Variants in MORC2 observed in about 807,000 individuals in gnomAD.
MORC2 encodes the protein MORC family CW-type zinc finger 2, also known as ATPase MORC2.
A neutral mutation model predicts 136.0 loss-of-function variants in MORC2; 30 were observed. That is an observed-to-expected ratio of 0.22 (90% CI 0.17 to 0.30). The LOEUF (loss-of-function observed/expected upper bound fraction) is 0.30. Ranked by LOEUF, MORC2 falls within the 10% of genes least tolerant of loss-of-function variation. MORC2 has a pLI of 1.00. For missense variants in MORC2, 922 were observed against 1,333.1 expected (o/e 0.69, Z 4.80); for synonymous variants, 439 against 487.0 (o/e 0.90, Z 1.30).
At position 30,968,010 on chromosome 22, in the gene MORC2, T is replaced by G. The variant is rs2041155476; in HGVS notation, c.-121A>C. The G allele has an allele frequency of 3.6e-6, 3 of 844,974 alleles. No homozygotes were observed. Among genetic ancestry groups the G allele is most frequent in the Non-Finnish European group, 5.7e-6 (3 of 523,476 alleles). 52.3% of individuals were successfully genotyped at this position (844,974 alleles called of 1,614,324 possible). The stretch of plus-strand genomic sequence containing the variant: ...GTAAGTCTGTGCTCCTTAATGACAG[T>G]TAAAGTAACCTAGTAGCTATCCAAA... On this transcript the variant is annotated 5_prime_UTR_variant, in exon 1 of 26. Coordinates refer to ENST00000397641, the MANE Select transcript of MORC2 (RefSeq NM_001303256.3).
At chr22:30,960,558 C>T (rs578097949) in intron 1 of MORC2, among the ~76,000 whole-genome samples, 18 of 150,654 alleles carry the variant, frequency 1.2e-4, no homozygotes, top group Non-Finnish European at 2.2e-4. Flanking sequence ...GCGCAATCTC[C>T]GCTCACTGCA....
chr22:30,961,559 A>G (rs2041045501), intron 1 of MORC2, among the ~76,000 whole-genome samples: 1 of 152,216 alleles, frequency 6.6e-6, no homozygotes. Context: ...TCATTTCAAC[A>G]TGAGTTTGTA....
chr22:30,956,998 G>C lies in MORC2; in HGVS notation c.123-201C>G, dbSNP rs536209797. Among the ~76,000 whole-genome samples the C allele has an allele frequency of 5.3e-5, 8 of 152,176 alleles. 1 individual carries two copies. In the South Asian group the frequency reaches 1.7e-3, roughly 32 times the overall value. On this transcript the variant is annotated intron_variant, in intron 2 of 25. Transcript: ENST00000397641. ...TATATATCTGTAAAACATTTCTGAA[G>C]CCCCAAATTATTGAAGATGATCACA...
In MORC2 at chr22:30,932,745, C is replaced by T; in HGVS notation, c.2547G>A (p.Val849=). 6.2e-7 allele frequency: 1 copy of T among 1,614,200 alleles called. No individual in the cohort carries two copies. Among genetic ancestry groups the T allele is most frequent in the Admixed American group, 1.7e-5 (1 of 60,026 alleles). The change falls in exon 23 of 26, where the codon GTG becomes GTA. Residue 849 remains valine, a synonymous_variant. Transcript: ENST00000397641. The surrounding 1 kb of genome is among the most constrained non-coding windows in gnomAD (Gnocchi z 4.4). ...DRWVEKGSED[V]RLMKPPSPEH... is the part of the protein sequence containing the mutation. ...CCGGAGAAGGGGGTTTCATCAGCCG[C>T]ACATCCTCACTGCCTTTCTCCACCC...
Position 30,932,625 on chromosome 22 carries a change from G to T in MORC2, c.2667C>A (p.Ser889=), listed in dbSNP as rs565441094. Reference sequence around the variant, plus strand: ...TGTCAGGCTCAATGCGGAGGCATTCGGAAGTGGAGGGCTCTGCGACAGCTA... The same window carrying T: ...TGTCAGGCTCAATGCGGAGGCATTCTGAAGTGGAGGGCTCTGCGACAGCTA... The part of the protein sequence containing the change: ...QAIAVAEPST[S]ECLRIEPDTT... The change falls in exon 23 of 26, where the codon TCC becomes TCA. Residue 889 remains serine, a synonymous_variant. Coordinates refer to ENST00000397641, the MANE Select transcript of MORC2 (RefSeq NM_001303256.3). The surrounding 1 kb of genome is among the most constrained non-coding windows in gnomAD (Gnocchi z 4.4). 9.3e-6 allele frequency: 15 copies of T among 1,614,056 alleles called. No homozygotes were observed. In the East Asian group the frequency reaches 2.7e-4, roughly 29 times the overall value.
At chr22:30,944,340 A>G (rs1291639302) in intron 6 of MORC2, among the ~76,000 whole-genome samples, 2 of 152,072 alleles carry the variant, frequency 1.3e-5, no homozygotes, top group African/African-American at 4.8e-5. Flanking sequence ...ATCACTTTAA[A>G]CATTGGCTTT....
In MORC2 at chr22:30,967,810, G is replaced by C; in HGVS notation, c.68+12C>G. The C allele has an allele frequency of 5.2e-6, 8 of 1,551,002 alleles. No individual in the cohort carries two copies. Among genetic ancestry groups the C allele is most frequent in the African/African-American group, 1.4e-5 (1 of 73,176 alleles). ...TTACTGGTTACCTCAGTGGCACCTA[G>C]AGGATACTTACGAATTTGTGTGCAG... is the stretch of plus-strand genomic sequence containing the variant. On this transcript the variant is annotated intron_variant, in intron 1 of 25. Coordinates refer to ENST00000397641, the MANE Select transcript of MORC2 (RefSeq NM_001303256.3).
At chr22:30,967,541 C>T in intron 1 of MORC2, 2 of 1,238,340 alleles carry the variant, frequency 1.6e-6, no homozygotes, top group Non-Finnish European at 2.0e-6. Flanking sequence ...TTCCTATAAA[C>T]ACTTGAATGA....
At position 30,937,563 on chromosome 22, in the gene MORC2, G is replaced by C. The variant is rs568000445; in HGVS notation, c.1498+20C>G. On this transcript the variant is annotated intron_variant, in intron 15 of 25. Transcript: ENST00000397641. This position sits in a 1 kb window ranked among gnomAD's most constrained non-coding sequence, Gnocchi z 4.7. ...TGGGCTGATGGAAATGAGTCGGGGG[G>C]GTCCAACCACCCAACTCACCGCACT... 4 of 1,610,584 alleles carry C rather than the reference G, an allele frequency of 2.5e-6. No individual in the cohort carries two copies. The highest frequency in any genetic ancestry group is 4.5e-5 in the East Asian group (2 of 44,874).
chr22:30,929,709 C>T (rs1488298405), intron 24 of MORC2, among the ~76,000 whole-genome samples: 4 of 151,846 alleles, frequency 2.6e-5, no homozygotes, highest in Non-Finnish European at 4.4e-5. Context: ...GGCAGTGAGC[C>T]GAGATTGCGC....
chr22:30,927,736 G>A (rs191285404), intron 25 of MORC2, among the ~76,000 whole-genome samples: 9 of 152,322 alleles, frequency 5.9e-5, no homozygotes, highest in South Asian at 2.1e-4. Flanking sequence ...CCATCTGGGC[G>A]TCATGTGGAA....
At chr22:30,955,737 G>A (rs2040957350) in intron 3 of MORC2, among the ~76,000 whole-genome samples, 1 of 152,068 alleles carries the variant, frequency 6.6e-6, no homozygotes, top group African/African-American at 2.4e-5. Flanking sequence ...GGCCAGGTGT[G>A]GTGGCTCACG....
rs754632080 is a variant in MORC2 at position 30,937,065 on chromosome 22, T to A, written c.1499-28A>T. 2.0e-6 allele frequency: 3 copies of A among 1,520,884 alleles called. No homozygotes were observed. In the South Asian group the frequency reaches 3.4e-5, roughly 17 times the overall value. 94.2% of individuals were successfully genotyped at this position (1,520,884 alleles called of 1,614,324 possible). A position where few individuals can be genotyped will look rare whatever the true frequency, so the allele number is the denominator to read the frequency against. ...GCAGAGAGCAAAAAAACCCCACATA[T>A]CAGCCACGCCCACCAACTCTATCTG... On this transcript the variant is annotated intron_variant, in intron 15 of 25. Transcript: ENST00000397641. This position sits in a 1 kb window ranked among gnomAD's most constrained non-coding sequence, Gnocchi z 4.7.
intron 24 of MORC2, among the ~76,000 whole-genome samples, chr22:30,928,619 T>A (rs540642740): frequency 6.6e-6 from 1 of 152,318 alleles, no homozygotes; most frequent in African/African-American, 2.4e-5. Context: ...TCAGCGCTCA[T>A]GTCAGTTCTC....
At chr22:30,927,755 C>T (rs1187350477) in intron 25 of MORC2, among the ~76,000 whole-genome samples, 1 of 152,214 alleles carries the variant, frequency 6.6e-6, no homozygotes, top group African/African-American at 2.4e-5. Flanking sequence ...AAAAGAACTT[C>T]GTTTTTATGG....
At chr22:30,962,536 A>G (rs1279697885) in intron 1 of MORC2, among the ~76,000 whole-genome samples, 1 of 151,680 alleles carries the variant, frequency 6.6e-6, no homozygotes, top group Non-Finnish European at 1.5e-5. Context: ...CGAGGGTTGC[A>G]GTGAGCCAAG....
At chr22:30,954,028 A>C (rs2040930185) in intron 3 of MORC2, among the ~76,000 whole-genome samples, 1 of 152,186 alleles carries the variant, frequency 6.6e-6, no homozygotes, top group African/African-American at 2.4e-5. Context: ...TTACTGGCCA[A>C]GCGCATCGGC....
intron 5 of MORC2, among the ~76,000 whole-genome samples, chr22:30,948,194 T>C (rs2040845273): frequency 6.6e-6 from 1 of 152,024 alleles, no homozygotes; most frequent in South Asian, 2.1e-4. Context: ...GGAGGTGAAA[T>C]GGCTTGCCTG....
chr22:30,950,042 G>A (rs2040865884), intron 4 of MORC2, among the ~76,000 whole-genome samples, 200 bp from the exon 5 acceptor site: 1 of 152,200 alleles, frequency 6.6e-6, no homozygotes, highest in Admixed American at 6.5e-5. Flanking sequence ...TGTGACCTAT[G>A]TTCTATTCCC....
Sources: allele counts gnomAD v4.1 joint callset (sites outside exome capture counted in the v4.1 genomes callset), GRCh38; gene constraint gnomAD v4.1.1; non-coding constraint Gnocchi (gnomAD v3.1); transcripts MANE v1.5; gene names NCBI Gene and HGNC (gene_info 2026-07-23, HGNC 2026-07-21).